The following MINAR1 variants were observed in gnomAD, a reference collection of about 807,000 sequenced individuals.
MINAR1 encodes the protein membrane integral NOTCH2 associated receptor 1.
MINAR1 carries 40 observed loss-of-function variants against 65.1 expected under a neutral mutation model. The ratio of observed to expected loss-of-function variants is 0.61; its 90% CI spans 0.48 to 0.80. MINAR1 has a LOEUF of 0.80. Among genes scored for constraint, MINAR1 ranks in the 30% least tolerant of loss-of-function variants. The pLI is 0.00. For synonymous variants in MINAR1, 482 were observed against 449.1 expected (o/e 1.07, Z -0.93); for missense variants, 1,128 against 1,148.0 (o/e 0.98, Z 0.25).
intron 1 of MINAR1, among the ~76,000 whole-genome samples, chr15:79,434,031 T>A (rs1894526900): frequency 6.6e-6 from 1 of 152,192 alleles, no homozygotes; most frequent in Admixed American, 6.5e-5. Flanking sequence ...CTCAGGCTAC[T>A]GGAGCCTGGA....
chr15:79,437,556 TAGTG>T (rs1176075373), intron 1 of MINAR1, among the ~76,000 whole-genome samples: 6 of 145,430 alleles, frequency 4.1e-5, no homozygotes, highest in South Asian at 2.2e-4. Flanking sequence ...GTGGGGTGGT[TAGTG>T]AGTGGGTGTG....
chr15:79,465,231 T>C (rs756979074), intron 3 of MINAR1, among the ~76,000 whole-genome samples: 1 of 152,124 alleles, frequency 6.6e-6, no homozygotes, highest in Non-Finnish European at 1.5e-5. Context: ...GAGCCAACCT[T>C]GAGAGCTTGG....
upstream of MINAR1, among the ~76,000 whole-genome samples, chr15:79,428,961 G>C (rs930539219): frequency 1.3e-5 from 2 of 152,142 alleles, no homozygotes; most frequent in Non-Finnish European, 2.9e-5. Flanking sequence ...AAAATGCATA[G>C]CTCTACACAA....
rs572305838 is a variant in MINAR1, at chr15:79,470,110, T to C, written c.*1726T>C. The C allele has an allele frequency of 6.5e-6, 1 of 152,674 alleles. No individual in the cohort carries two copies. Among genetic ancestry groups the C allele is most frequent in the African/African-American group, 2.4e-5 (1 of 41,566 alleles). 9.5% of individuals were successfully genotyped at this position (152,674 alleles called of 1,614,324 possible). On this transcript the variant is annotated 3_prime_UTR_variant, in exon 4 of 4. Coordinates refer to ENST00000305428, the MANE Select transcript of MINAR1 (RefSeq NM_015206.3). The stretch of plus-strand genomic sequence containing the variant: ...TTGTATTATCATGTTTATGTATGGA[T>C]TTTCAATTTCAGTAACCGAAAACTT...
Position 79,456,406 on chromosome 15 carries a change from A to T in MINAR1, c.259A>T (p.Ile87Phe). ...AAAGAAAATCATGGTGGCAGCAGAT[A>T]TTGTGACGATATTCAACCTGATCCA... ...QSKKIMVAAD[I>F]VTIFNLIQMN... The change falls in exon 2 of 4, where the codon ATT becomes TTT. Residue 87 changes from isoleucine (I) to phenylalanine (F), a missense_variant. Coordinates refer to ENST00000305428, the MANE Select transcript of MINAR1 (RefSeq NM_015206.3). The T allele has an allele frequency of 5.6e-6, 9 of 1,614,204 alleles. No individual in the cohort carries two copies. The highest frequency in any genetic ancestry group is 7.6e-6 in the Non-Finnish European group (9 of 1,180,046).
chr15:79,416,812 A>C, the MINAR1 span: 1 of 152,186 alleles, frequency 6.6e-6, no homozygotes, highest in Non-Finnish European at 1.5e-5. Context: ...AAGAATACCC[A>C]GTCTCTAGGA....
At position 79,472,233 on chromosome 15, in the gene MINAR1, GTTGGT is replaced by G. The variant is rs774104392; in HGVS notation, c.*3853_*3857del. 10 of 152,542 alleles carry G rather than the reference GTTGGT, an allele frequency of 6.6e-5. No homozygotes were observed. The highest frequency in any genetic ancestry group is 1.3e-4 in the Non-Finnish European group (9 of 68,006). 9.4% of individuals were successfully genotyped at this position (152,542 alleles called of 1,614,324 possible). A position where few individuals can be genotyped will look rare whatever the true frequency, so the allele number is the denominator to read the frequency against. ...TGTAAAATTTGGTTAATGTACAATGGTTGGTTTGAAGCTATCATGTAAAATTGGCC... is the reference window on the plus strand; with the variant it reads ...TGTAAAATTTGGTTAATGTACAATGGTTGAAGCTATCATGTAAAATTGGCC... On this transcript the variant is annotated 3_prime_UTR_variant, in exon 4 of 4. Transcript: ENST00000305428.
chr15:79,431,052 C>T (rs1022743590), upstream of MINAR1, among the ~76,000 whole-genome samples: 1 of 152,156 alleles, frequency 6.6e-6, no homozygotes, highest in Non-Finnish European at 1.5e-5. Flanking sequence ...AGGGCCTTTG[C>T]TCCGATCACA....
At position 79,469,476 on chromosome 15, in the gene MINAR1, CCA is replaced by C. The variant is rs1895994510; in HGVS notation, c.*1093_*1094del. The C allele has an allele frequency of 6.6e-6, 1 of 152,492 alleles. No individual in the cohort carries two copies. The highest frequency in any genetic ancestry group is 2.4e-5 in the African/African-American group (1 of 41,396). 9.4% of individuals were successfully genotyped at this position (152,492 alleles called of 1,614,324 possible). A position where few individuals can be genotyped will look rare whatever the true frequency, so the allele number is the denominator to read the frequency against. On this transcript the variant is annotated 3_prime_UTR_variant, in exon 4 of 4. Transcript: ENST00000305428. The stretch of plus-strand genomic sequence containing the variant: ...CTTCTCAGTTACCCCAACACCTACT[CCA>C]GAGTTTTGAATACTTGTCAGCAGTG...
chr15:79,419,958 A>T, the MINAR1 span: 1 of 152,246 alleles, frequency 6.6e-6, no homozygotes, highest in Middle Eastern at 3.2e-3. Context: ...ACCATAGAAA[A>T]GATTGAACAG....
At chr15:79,445,547 G>GTT (rs1306534951) in intron 1 of MINAR1, among the ~76,000 whole-genome samples, 16 of 71,100 alleles carry the variant, frequency 2.3e-4, no homozygotes, top group Admixed American at 7.7e-4. Context: ...TTCTGTGACA[G>GTT]TTATTTTTTT....
In MINAR1 at chr15:79,470,274, G is replaced by A. The variant is rs955564251; in HGVS notation, c.*1890G>A. The A allele has an allele frequency of 2.0e-5, 3 of 152,578 alleles. No individual in the cohort carries two copies. Among genetic ancestry groups the A allele is most frequent in the African/African-American group, 7.2e-5 (3 of 41,416 alleles). 9.5% of individuals were successfully genotyped at this position (152,578 alleles called of 1,614,324 possible). ...AAGGTTGTTTCTTTCACCCCAAAGAGACTACTAGGTTACCACTCTGGGCAT... is the reference window on the plus strand; with the variant it reads ...AAGGTTGTTTCTTTCACCCCAAAGAAACTACTAGGTTACCACTCTGGGCAT... On this transcript the variant is annotated 3_prime_UTR_variant, in exon 4 of 4. Coordinates refer to ENST00000305428, the MANE Select transcript of MINAR1 (RefSeq NM_015206.3).
chr15:79,458,545 G>A, intron 2 of MINAR1, 100 bp downstream of exon 2: 2 of 1,367,966 alleles, frequency 1.5e-6, no homozygotes, highest in Non-Finnish European at 2.0e-6. Context: ...AAGAGGCCTG[G>A]CCTCTGTGTG....
chr15:79,411,917 T>C, the MINAR1 span: 2 of 176,160 alleles, frequency 1.1e-5, no homozygotes, highest in Non-Finnish European at 1.2e-5. Flanking sequence ...TTCTTCAGGG[T>C]GGTCTTGCCT....
At chr15:79,427,710 G>T (rs999461056), upstream of MINAR1, among the ~76,000 whole-genome samples, 1 of 152,212 alleles carries the variant, frequency 6.6e-6, no homozygotes, top group African/African-American at 2.4e-5. Context: ...TATCTTAAAT[G>T]ATCTCTGAGA....
Position 79,457,925 on chromosome 15 carries a change from A to G in MINAR1, c.1778A>G (p.Lys593Arg). 1 of 1,614,236 alleles carries G rather than the reference A, an allele frequency of 6.2e-7. No individual in the cohort carries two copies. ...ENTHHSEEEL[K>R]TSVCKLVLRI... The stretch of plus-strand genomic sequence containing the variant: ...ACCCACCACTCGGAAGAAGAGCTGA[A>G]GACCAGTGTGTGCAAACTGGTGCTC... The change falls in exon 2 of 4, where the codon AAG becomes AGG. Residue 593 changes from lysine to arginine, a missense_variant. By Grantham distance (26) the Lys-to-Arg change is conservative (BLOSUM62 2). Coordinates refer to ENST00000305428, the MANE Select transcript of MINAR1 (RefSeq NM_015206.3).
Position 79,458,024 on chromosome 15 carries a change from A to G in MINAR1, c.1877A>G (p.Lys626Arg), listed in dbSNP as rs201010156. The G allele has an allele frequency of 1.4e-5, 22 of 1,614,200 alleles. No homozygotes were observed. In the African/African-American group the frequency reaches 2.4e-4, roughly 18 times the overall value. ...GATGAAATCTCCCAGGTCTTGGGCA[A>G]ACTAAATAAATTGGACCAGAAAATG... ...VRDEISQVLGKLNKLDQKMQQ... is the reference protein window; with the variant it reads ...VRDEISQVLGRLNKLDQKMQQ... Residue 626 changes from lysine to arginine, a missense_variant, in exon 2 of 4, where the codon AAA (lysine) becomes AGA (arginine). Physicochemically the swap from Lys to Arg is conservative, Grantham distance 26 (BLOSUM62 2). Transcript: ENST00000305428.
chr15:79,439,264 TGTGGG>T (rs1894784395), intron 1 of MINAR1, among the ~76,000 whole-genome samples: 1 of 49,114 alleles, frequency 2.0e-5, no homozygotes, highest in African/African-American at 8.1e-5. Context: ...GTGGGTAGTG[TGTGGG>T]GTGTGGGGTG....
chr15:79,439,719 T>C (rs975704259), intron 1 of MINAR1, among the ~76,000 whole-genome samples: 1 of 151,882 alleles, frequency 6.6e-6, no homozygotes, highest in Non-Finnish European at 1.5e-5. Flanking sequence ...GTCTCATTTA[T>C]AGTTTTGTCC....
Sources: gnomAD v4.1 joint callset for allele counts (sites outside exome capture counted in the v4.1 genomes callset) on GRCh38, gnomAD v4.1.1 for gene constraint, MANE v1.5 for transcripts, NCBI Gene and HGNC (gene_info 2026-07-23, HGNC 2026-07-21) for gene names.